TUSC3: variants seen among roughly 807,000 people sequenced by gnomAD.
The protein encoded by TUSC3 is dolichyl-diphosphooligosaccharide--protein glycosyltransferase subunit TUSC3.
In TUSC3, 45 loss-of-function variants were observed where a neutral mutation model predicts 44.8. The observed-to-expected ratio is 1.00, with a 90% confidence interval of 0.79 to 1.29. The LOEUF is 1.29. Ranked by LOEUF, TUSC3 falls within the 50% of genes most tolerant of loss-of-function variation. TUSC3 has a pLI of 0.00. For missense variants in TUSC3, 519 were observed against 437.9 expected, an observed-to-expected ratio of 1.19 and a Z score of -1.65; for synonymous variants, 212 against 152.9, an observed-to-expected ratio of 1.39 and a Z score of -2.85.
intron 1 of TUSC3, among the ~76,000 whole-genome samples, chr8:15,443,368 G>C (rs1321148613): frequency 6.6e-6 from 1 of 150,888 alleles, no homozygotes; most frequent in Non-Finnish European, 1.5e-5. Flanking sequence ...GTGTGTGTGT[G>C]TGTGTGTGTG....
intron 10 of TUSC3, among the ~76,000 whole-genome samples, chr8:15,760,267 T>A (rs1349204925): frequency 6.6e-6 from 1 of 152,160 alleles, no homozygotes; most frequent in Admixed American, 6.6e-5. Flanking sequence ...TCAAATGTCA[T>A]CAGTTTAGCC....
At chr8:15,475,529 A>G (rs760437534) in intron 1 of TUSC3, among the ~76,000 whole-genome samples, 5 of 152,202 alleles carry the variant, frequency 3.3e-5, no homozygotes, top group Admixed American at 1.3e-4. Flanking sequence ...CTAGATAAAC[A>G]TTGAGATCAG....
At chr8:15,672,244 T>C (rs1376121853) in intron 5 of TUSC3, among the ~76,000 whole-genome samples, 2 of 151,980 alleles carry the variant, frequency 1.3e-5, no homozygotes, top group African/African-American at 4.8e-5. Context: ...TTATTGAGCT[T>C]GTGTATTGTG....
intron 2 of TUSC3, among the ~76,000 whole-genome samples, chr8:15,534,410 G>T (rs1035741913): frequency 6.6e-6 from 1 of 152,042 alleles, no homozygotes; most frequent in Non-Finnish European, 1.5e-5. Flanking sequence ...TTGGGAGGCC[G>T]AGGCGGGCAG....
chr8:15,778,276 C>G, the TUSC3 span, among the ~76,000 whole-genome samples: 2 of 152,142 alleles, frequency 1.3e-5, no homozygotes, highest in Non-Finnish European at 2.9e-5. Context: ...CGTAATCTGA[C>G]TGATGAGGTG....
intron 2 of TUSC3, among the ~76,000 whole-genome samples, chr8:15,526,364 A>G (rs1340141918): frequency 6.6e-6 from 1 of 152,144 alleles, no homozygotes; most frequent in Non-Finnish European, 1.5e-5. Context: ...ATTACATTCT[A>G]TACAGAGGGA....
At chr8:15,838,763 T>C in the TUSC3 span, among the ~76,000 whole-genome samples, 18 of 152,300 alleles carry the variant, frequency 1.2e-4, no homozygotes, top group African/African-American at 3.8e-4. Context: ...ACTGTAGCCT[T>C]GTAGTATAGT....
chr8:15,812,401 T>C, the TUSC3 span, among the ~76,000 whole-genome samples: 1 of 152,120 alleles, frequency 6.6e-6, no homozygotes, highest in Non-Finnish European at 1.5e-5. Flanking sequence ...GACCATAATT[T>C]TGAGAAAATG....
chr8:15,616,525 G>A (rs532001560), intron 1 of TUSC3, among the ~76,000 whole-genome samples: 15 of 152,324 alleles, frequency 9.8e-5, no homozygotes, highest in African/African-American at 3.1e-4. Flanking sequence ...TGTAATTTGC[G>A]GAGATAGCAC....
At chr8:15,530,809 C>T (rs1801439723) in intron 2 of TUSC3, among the ~76,000 whole-genome samples, 3 of 152,264 alleles carry the variant, frequency 2.0e-5, no homozygotes, top group African/African-American at 4.8e-5. Flanking sequence ...TCACAAGAGT[C>T]TTCTGACTTT....
chr8:15,691,392 A>T (rs551734009), intron 6 of TUSC3, among the ~76,000 whole-genome samples: 14 of 152,254 alleles, frequency 9.2e-5, no homozygotes, highest in South Asian at 6.2e-4. Context: ...TGTTTAGCAG[A>T]TCAAGAAGCT....
intron 1 of TUSC3, among the ~76,000 whole-genome samples, chr8:15,589,422 A>C (rs1252405213): frequency 1.3e-5 from 2 of 152,202 alleles, no homozygotes; most frequent in African/African-American, 4.8e-5. Flanking sequence ...CATGTGGAGC[A>C]ATTTTGGTAA....
intron 6 of TUSC3, among the ~76,000 whole-genome samples, chr8:15,678,375 C>G (rs1342731773): frequency 6.6e-6 from 1 of 151,686 alleles, no homozygotes; most frequent in Non-Finnish European, 1.5e-5. Flanking sequence ...ACTGTATTTA[C>G]TACAATTTAT....
At chr8:15,835,879 A>G in the TUSC3 span, among the ~76,000 whole-genome samples, 1 of 151,910 alleles carries the variant, frequency 6.6e-6, no homozygotes, top group Non-Finnish European at 1.5e-5. Context: ...TCTGATATTG[A>G]TGTATTTTTG....
At chr8:15,609,344 A>T (rs1804663895) in intron 1 of TUSC3, among the ~76,000 whole-genome samples, 1 of 152,196 alleles carries the variant, frequency 6.6e-6, no homozygotes. Context: ...TGCTATACTC[A>T]TTTACACTGG....
chr8:15,442,616 C>T lies in TUSC3; in HGVS notation n.91+25311C>T, dbSNP rs1328771526. Among the ~76,000 whole-genome samples, 4 of 152,112 alleles carry T rather than the reference C, an allele frequency of 2.6e-5. No homozygotes were observed. In the East Asian group the frequency reaches 5.8e-4, roughly 22 times the overall value. On this transcript the variant is annotated intron_variant and non_coding_transcript_variant, in intron 1 of 5. Transcript: ENST00000503191. The stretch of plus-strand genomic sequence containing the variant: ...GATAAATGCCTTACTCCTGATGTTT[C>T]TCTTAGTAATTTTCCATCCACAGAC...
intron 1 of TUSC3, among the ~76,000 whole-genome samples, chr8:15,456,854 C>G (rs1800263304): frequency 6.6e-6 from 1 of 152,018 alleles, no homozygotes; most frequent in Admixed American, 6.6e-5. Context: ...TAGTTCAGAT[C>G]TTGTAATAGA....
chr8:15,759,554 G>A (rs892917062), intron 10 of TUSC3, among the ~76,000 whole-genome samples: 7 of 152,136 alleles, frequency 4.6e-5, no homozygotes, highest in Non-Finnish European at 1.0e-4. Flanking sequence ...GAAGGGAAAA[G>A]GAACAAACAA....
intron 6 of TUSC3, among the ~76,000 whole-genome samples, chr8:15,713,440 T>G (rs867433810): frequency 2.4e-4 from 37 of 152,316 alleles, no homozygotes; most frequent in African/African-American, 8.7e-4. Flanking sequence ...TGGCATCGAT[T>G]AAAAGATCTT....
Sources: gnomAD v4.1 joint callset for allele counts (sites outside exome capture counted in the v4.1 genomes callset) on GRCh38, gnomAD v4.1.1 for gene constraint, MANE v1.5 for transcripts, NCBI Gene and HGNC (gene_info 2026-07-23, HGNC 2026-07-21) for gene names.